The following FER1L6 variants were observed in gnomAD, a reference collection of about 807,000 sequenced individuals.
The protein encoded by FER1L6 is fer-1 like family member 6.
A neutral mutation model predicts 219.2 loss-of-function variants in FER1L6; 177 were observed. That is an observed-to-expected ratio of 0.81 (90% CI 0.71 to 0.91). The LOEUF is 0.91. Among genes scored for constraint, FER1L6 ranks in the 40% least tolerant of loss-of-function variants. The probability of loss-of-function intolerance (pLI) is 0.00; values close to 1 mark genes in which losing one functional copy is unlikely to be tolerated. For synonymous variants in FER1L6, 768 were observed against 824.3 expected (o/e 0.93, Z 1.17); for missense variants, 2,153 against 2,259.9 (o/e 0.95, Z 0.96).
intron 12 of FER1L6, among the ~76,000 whole-genome samples, chr8:124,001,898 T>A (rs79345992): frequency 0.056 from 8,574 of 152,320 alleles, 567 homozygotes; most frequent in African/African-American, 0.16. Flanking sequence ...TTTAGGGACC[T>A]GTTTAGCTTA....
intron 39 of FER1L6, among the ~76,000 whole-genome samples, chr8:124,112,719 T>C (rs1193344989): frequency 6.6e-6 from 1 of 152,210 alleles, no homozygotes; most frequent in African/African-American, 2.4e-5. Flanking sequence ...CATACTTATA[T>C]GTTATGTTCT....
chr8:124,027,537 C>A (rs944120073), intron 18 of FER1L6, among the ~76,000 whole-genome samples: 11 of 152,092 alleles, frequency 7.2e-5, no homozygotes, highest in African/African-American at 2.4e-4. Flanking sequence ...TGAGGCTCTC[C>A]GTGTTATTTT....
At chr8:124,048,882 G>T (rs922451476) in intron 21 of FER1L6, among the ~76,000 whole-genome samples, 2 of 152,188 alleles carry the variant, frequency 1.3e-5, no homozygotes, top group African/African-American at 4.8e-5. Flanking sequence ...CTGCCCTGCA[G>T]ATCCTTTGGA....
intron 33 of FER1L6, among the ~76,000 whole-genome samples, chr8:124,088,760 G>A (rs909058723): frequency 4.6e-5 from 7 of 152,064 alleles, no homozygotes; most frequent in Non-Finnish European, 8.8e-5. Flanking sequence ...AAGGCATCAC[G>A]TTCCCTTCTG....
intron 1 of FER1L6, among the ~76,000 whole-genome samples, chr8:123,866,145 G>T (rs1170880740): frequency 2.0e-5 from 3 of 152,078 alleles, no homozygotes; most frequent in African/African-American, 4.8e-5. Context: ...GTTTCTATGA[G>T]GTCGACTTTT....
At chr8:123,865,989 C>T (rs1816830718) in intron 1 of FER1L6, among the ~76,000 whole-genome samples, 1 of 151,296 alleles carries the variant, frequency 6.6e-6, no homozygotes, top group South Asian at 2.1e-4. Flanking sequence ...TCCTATTCGG[C>T]CATCTTGGCT....
rs1464531897 is a variant in FER1L6 at position 124,103,062 on chromosome 8, T to A, written c.5126-84T>A. ...GAATGAGTAGGAAGTGAAGGGTGAA[T>A]GAATGAATGAGGATGGTGATTGAGA... On this transcript the variant is annotated intron_variant, in intron 38 of 40. Coordinates refer to ENST00000522917, the MANE Select transcript of FER1L6 (RefSeq NM_001039112.2). 4.1e-6 allele frequency: 5 copies of A among 1,206,882 alleles called. No homozygotes were observed. In the African/African-American group the frequency reaches 7.5e-5, roughly 18 times the overall value. 74.8% of individuals were successfully genotyped at this position (1,206,882 alleles called of 1,614,324 possible).
chr8:123,936,572 C>T (rs1285485853), intron 1 of FER1L6, among the ~76,000 whole-genome samples: 1 of 143,926 alleles, frequency 6.9e-6, no homozygotes, highest in Non-Finnish European at 1.5e-5. Context: ...ATTTTCTGGT[C>T]CTCCAGTTGT....
rs56132579 is a variant in FER1L6, at chr8:124,103,179, G to A, written c.5159G>A (p.Arg1720Gln). 104,826 of 1,613,864 alleles carry A rather than the reference G, an allele frequency of 0.065. 3,958 individuals are homozygous for A. Among genetic ancestry groups the A allele is most frequent in the Middle Eastern group, 0.091 (550 of 6,030 alleles). Residue 1720 changes from arginine to glutamine, a missense_variant, in exon 39 of 41, where the codon CGA (arginine) becomes CAA (glutamine). Transcript: ENST00000522917. Reference sequence around the variant, plus strand: ...GAAATGAACCTCAACAGTTTCCCTCGAGCAGCTAAGTCTGCCAAAGCCTGT... The same window carrying A: ...GAAATGAACCTCAACAGTTTCCCTCAAGCAGCTAAGTCTGCCAAAGCCTGT... ...TLEMNLNSFP[R>Q]AAKSAKACDL...
At chr8:124,095,291 A>G (rs893131712) in intron 35 of FER1L6, among the ~76,000 whole-genome samples, 2 of 152,242 alleles carry the variant, frequency 1.3e-5, no homozygotes, top group African/African-American at 4.8e-5. Flanking sequence ...TAAAATGTCA[A>G]TAATGCTGAA....
intron 1 of FER1L6, among the ~76,000 whole-genome samples, chr8:123,946,824 A>AT (rs1000904857): frequency 7.3e-5 from 11 of 151,622 alleles, no homozygotes; most frequent in African/African-American, 2.2e-4. Flanking sequence ...CTTGAGCTCG[A>AT]TTTTTTTTCT....
chr8:124,068,091 T>C lies in FER1L6; in HGVS notation c.3718+285T>C, dbSNP rs761813603. 1.6e-4 allele frequency among the ~76,000 whole-genome samples: 25 copies of C among 152,164 alleles called. 1 individual carries two copies. The highest frequency in any genetic ancestry group is 1.5e-5 in the Non-Finnish European group (1 of 68,018). On this transcript the variant is annotated intron_variant, in intron 28 of 40. Coordinates refer to ENST00000522917, the MANE Select transcript of FER1L6 (RefSeq NM_001039112.2). ...TAATGTAGAAACCGTAGAATAAAAA[T>C]AGAAGCAATCTGGATGACTGGCCAA...
chr8:123,896,853 A>G (rs1812751045), intron 1 of FER1L6, among the ~76,000 whole-genome samples: 1 of 152,130 alleles, frequency 6.6e-6, no homozygotes, highest in Non-Finnish European at 1.5e-5. Flanking sequence ...AGGCTCATAT[A>G]TCAATGTGGC....
At chr8:123,950,501 G>A (rs947093749) in intron 1 of FER1L6, among the ~76,000 whole-genome samples, 3 of 152,190 alleles carry the variant, frequency 2.0e-5, no homozygotes, top group African/African-American at 7.2e-5. Flanking sequence ...GCTTAATAGG[G>A]ATGGGCTTTA....
intron 12 of FER1L6, 35 bp downstream of exon 12, chr8:123,986,211 C>A: frequency 1.6e-6 from 2 of 1,256,634 alleles, no homozygotes; most frequent in Non-Finnish European, 2.3e-6. Context: ...AGGCACATAG[C>A]ATGGATTTAG....
At chr8:123,865,897 A>T (rs1816828481) in intron 1 of FER1L6, among the ~76,000 whole-genome samples, 1 of 151,316 alleles carries the variant, frequency 6.6e-6, no homozygotes, top group African/African-American at 2.5e-5. Context: ...CCCTAGTGAG[A>T]TGAACCCGGT....
chr8:123,860,186 T>A (rs1816723246), intron 1 of FER1L6, among the ~76,000 whole-genome samples: 1 of 80,266 alleles, frequency 1.2e-5, no homozygotes, highest in African/African-American at 5.6e-5. Context: ...TGTGTCCATG[T>A]GATCTCATTG....
intron 2 of FER1L6, among the ~76,000 whole-genome samples, chr8:123,958,334 T>C (rs1343507878): frequency 6.6e-6 from 1 of 152,178 alleles, no homozygotes; most frequent in Non-Finnish European, 1.5e-5. Flanking sequence ...TCTCTTACCC[T>C]CTGCCTTTGG....
chr8:124,082,496 A>G (rs1821601333), intron 33 of FER1L6, 38 bp downstream of exon 33: 2 of 1,594,154 alleles, frequency 1.3e-6, no homozygotes, highest in Non-Finnish European at 1.7e-6. Flanking sequence ...TGGTATTCTG[A>G]AGCTGTTGTA....
Sources: allele counts gnomAD v4.1 joint callset (sites outside exome capture counted in the v4.1 genomes callset), GRCh38; gene constraint gnomAD v4.1.1; transcripts MANE v1.5; gene names NCBI Gene and HGNC (gene_info 2026-07-23, HGNC 2026-07-21).